Variants in PTPRB observed in about 807,000 individuals in gnomAD.
PTPRB encodes protein tyrosine phosphatase receptor type B, also known as receptor-type tyrosine-protein phosphatase beta.
Under a neutral mutation model 238.1 loss-of-function variants are expected in PTPRB, and 97 were observed. The observed-to-expected ratio is 0.41, with a 90% CI of 0.35 to 0.48. PTPRB has a LOEUF of 0.48. Among genes scored for constraint, PTPRB ranks in the 20% least tolerant of loss-of-function variants. The probability of loss-of-function intolerance (pLI) is 0.30; values close to 1 mark genes in which losing one functional copy is unlikely to be tolerated. For missense variants in PTPRB, 2,292 were observed against 2,681.9 expected (o/e 0.85, Z 3.21); for synonymous variants, 970 against 995.4 (o/e 0.97, Z 0.48).
intron 16 of PTPRB, 24 bp downstream of exon 16, chr12:70,562,820 T>A (rs1234422009): frequency 6.2e-7 from 1 of 1,607,874 alleles, no homozygotes; most frequent in Admixed American, 1.7e-5. Context: ...CCACGATTCA[T>A]TACTGCTTGG....
chr12:70,567,980 G>A (rs554805149), intron 14 of PTPRB, among the ~76,000 whole-genome samples: 10 of 152,104 alleles, frequency 6.6e-5, no homozygotes, highest in East Asian at 1.9e-4. Flanking sequence ...ATGAGCCACC[G>A]TGCCCGGCCT....
chr12:70,579,983 T>A (rs114958117), intron 10 of PTPRB, among the ~76,000 whole-genome samples: 1 of 152,008 alleles, frequency 6.6e-6, no homozygotes, highest in Middle Eastern at 3.2e-3. Context: ...AAAATAATTA[T>A]ATAAAATTAA....
At chr12:70,619,470 G>T (rs547958807) in intron 3 of PTPRB, among the ~76,000 whole-genome samples, 1 of 152,192 alleles carries the variant, frequency 6.6e-6, no homozygotes, top group South Asian at 2.1e-4. Context: ...ATCTAGCCTG[G>T]TTTGAGAGTT....
At chr12:70,598,484 G>A (rs1234819601) in intron 4 of PTPRB, among the ~76,000 whole-genome samples, 9 of 152,052 alleles carry the variant, frequency 5.9e-5, no homozygotes, top group Admixed American at 5.9e-4. Flanking sequence ...AAAGTCATGA[G>A]ACTTTGGGCA....
In PTPRB at chr12:70,521,504, G is replaced by C; in HGVS notation, c.6633C>G (p.Val2211=). 1 of 1,546,402 alleles carries C rather than the reference G, an allele frequency of 6.5e-7. No individual in the cohort carries two copies. The highest frequency in any genetic ancestry group is 2.4e-5 in the East Asian group (1 of 41,898). ...AGGTACATTCTCAATGCCTTGAATA[G>C]ACTGGATCTGAAAGGAAGAACACTG... ...NVNPEYHRDP[V]YSRH Residue 2211 remains valine, a synonymous_variant, in exon 34 of 34, where the codon GTC becomes GTG. Coordinates refer to ENST00000334414, the MANE Select transcript of PTPRB (RefSeq NM_001109754.4).
chr12:70,572,717 C>G (rs957277569), intron 11 of PTPRB, among the ~76,000 whole-genome samples: 1 of 148,144 alleles, frequency 6.8e-6, no homozygotes, highest in African/African-American at 2.5e-5. Context: ...TGCAGTGAAC[C>G]AAGATCACAT....
intron 4 of PTPRB, among the ~76,000 whole-genome samples, chr12:70,603,713 C>G (rs1883709792): frequency 6.6e-6 from 1 of 152,120 alleles, no homozygotes; most frequent in Admixed American, 6.5e-5. Flanking sequence ...ATGTATGAAC[C>G]AATGAAAACC....
intron 3 of PTPRB, among the ~76,000 whole-genome samples, chr12:70,619,949 G>A (rs529341103): frequency 7.9e-5 from 12 of 152,208 alleles, no homozygotes; most frequent in Non-Finnish European, 1.5e-4. Flanking sequence ...TGTTTATAAT[G>A]GACTGGTATA....
At chr12:70,616,313 G>A (rs1358805044) in intron 3 of PTPRB, among the ~76,000 whole-genome samples, 1 of 152,198 alleles carries the variant, frequency 6.6e-6, no homozygotes, top group Non-Finnish European at 1.5e-5. Context: ...TGGCCTTTTC[G>A]AATGATACAG....
chr12:70,628,242 G>C (rs747779681), intron 2 of PTPRB, among the ~76,000 whole-genome samples: 1 of 152,226 alleles, frequency 6.6e-6, no homozygotes. Context: ...AATCTGAATT[G>C]AGTGGTAAAT....
chr12:70,565,952 G>A (rs1419901623), intron 15 of PTPRB, among the ~76,000 whole-genome samples: 2 of 152,128 alleles, frequency 1.3e-5, no homozygotes, highest in Non-Finnish European at 2.9e-5. Context: ...AGAGATGTAA[G>A]GTCCCATGCA....
chr12:70,629,654 G>A (rs191660399), intron 2 of PTPRB, among the ~76,000 whole-genome samples: 48 of 152,222 alleles, frequency 3.2e-4, no homozygotes, highest in Non-Finnish European at 4.6e-4. Context: ...AGTGAATCCA[G>A]GAGCTGTTAT....
chr12:70,539,470 A>G (rs1212500017), intron 26 of PTPRB, 155 bp downstream of exon 26: 2 of 642,814 alleles, frequency 3.1e-6, no homozygotes, highest in Non-Finnish European at 2.7e-6. Flanking sequence ...TATTCTATTC[A>G]GGGCATAGTT....
intron 4 of PTPRB, 156 bp downstream of exon 4, chr12:70,608,913 A>G (rs117915510): frequency 0.04 from 43,377 of 1,095,308 alleles, 1,064 homozygotes; most frequent in Non-Finnish European, 0.045. Flanking sequence ...TTCTGGCTAG[A>G]TCCGAGGAAA....
chr12:70,540,310 C>T, intron 23 of PTPRB: 1 of 296,368 alleles, frequency 3.4e-6, no homozygotes, highest in Non-Finnish European at 6.2e-6. Context: ...TAAAAAAATC[C>T]AGTAAATTTC....
At chr12:70,589,851 A>T (rs1419093868) in intron 8 of PTPRB, 113 bp downstream of exon 8, 1 of 1,084,028 alleles carries the variant, frequency 9.2e-7, no homozygotes, top group African/African-American at 1.6e-5. Context: ...TTAATATCTC[A>T]AATTCAGAAA....
At chr12:70,571,782 C>T in intron 12 of PTPRB, 42 bp downstream of exon 12, 2 of 1,581,654 alleles carry the variant, frequency 1.3e-6, no homozygotes, top group South Asian at 1.2e-5. Context: ...TAGAGACTTT[C>T]AAGTCCAACC....
intron 28 of PTPRB, 64 bp from the exon 29 acceptor site, chr12:70,536,223 A>C: frequency 6.5e-7 from 1 of 1,534,192 alleles, no homozygotes; most frequent in South Asian, 1.2e-5. Context: ...ATAAACAAAG[A>C]GTTCTTCAGA....
At chr12:70,631,757 A>G (rs1268277531) in intron 2 of PTPRB, among the ~76,000 whole-genome samples, 1 of 152,224 alleles carries the variant, frequency 6.6e-6, no homozygotes, top group Non-Finnish European at 1.5e-5. Context: ...ACCCCATCAA[A>G]AAGTGGGCAA....
Sources: allele counts gnomAD v4.1 joint callset (sites outside exome capture counted in the v4.1 genomes callset), GRCh38; gene constraint gnomAD v4.1.1; transcripts MANE v1.5; gene names NCBI Gene and HGNC (gene_info 2026-07-23, HGNC 2026-07-21).